The following CELF2 variants were observed in gnomAD, a reference collection of about 807,000 sequenced individuals.
CELF2 encodes the protein CUGBP Elav-like family member 2.
CELF2 carries 8 observed loss-of-function variants against 62.6 expected under a neutral mutation model. That is an observed-to-expected ratio of 0.13 (90% CI 0.07 to 0.23). CELF2 has a LOEUF of 0.23. Ranked by LOEUF, CELF2 falls within the 10% of genes least tolerant of loss-of-function variation. CELF2 has a pLI of 1.00. For missense variants in CELF2, 333 were observed against 671.0 expected (o/e 0.50, Z 5.56); for synonymous variants, 258 against 250.0 (o/e 1.03, Z -0.30).
intron 1 of CELF2, among the ~76,000 whole-genome samples, chr10:10,882,078 C>T (rs772935819): frequency 3.3e-5 from 5 of 152,170 alleles, no homozygotes; most frequent in African/African-American, 4.8e-5. Flanking sequence ...AAAATGCAAT[C>T]GTTACCATAT....
At chr10:11,141,864 A>G (rs2061404222) in intron 1 of CELF2, among the ~76,000 whole-genome samples, 1 of 152,234 alleles carries the variant, frequency 6.6e-6, no homozygotes, top group African/African-American at 2.4e-5. Context: ...CACATATAGT[A>G]TCTGTTTTAA....
the CELF2 span, among the ~76,000 whole-genome samples, chr10:10,547,692 A>AGAGAGAGT: frequency 0.13 from 17,841 of 137,718 alleles, 1,192 homozygotes; most frequent in Non-Finnish European, 0.16. Context: ...AGAGAGAGAG[A>AGAGAGAGT]GTGTGTGTGT....
chr10:10,601,407 G>T, the CELF2 span, among the ~76,000 whole-genome samples: 132 of 152,296 alleles, frequency 8.7e-4, no homozygotes, highest in Middle Eastern at 3.4e-3. Context: ...AGGGTTTCAG[G>T]ATTTAATCTG....
In CELF2 at chr10:10,931,489, C is replaced by T. The variant is rs1175696860; in HGVS notation, c.89+11490C>T. Reference sequence around the variant, plus strand: ...ACTCTATTTACCACCACAGTTATAGCATTTGAGACCCTCCCTCACCCAGAT... The same window carrying T: ...ACTCTATTTACCACCACAGTTATAGTATTTGAGACCCTCCCTCACCCAGAT... On this transcript the variant is annotated intron_variant, in intron 2 of 13. Transcript: ENST00000636488. This position sits in a 1 kb window ranked among gnomAD's most constrained non-coding sequence, Gnocchi z 6.1. Among the ~76,000 whole-genome samples, 1 of 152,144 alleles carries T rather than the reference C, an allele frequency of 6.6e-6. No individual in the cohort carries two copies. Among genetic ancestry groups the T allele is most frequent in the Non-Finnish European group, 1.5e-5 (1 of 68,022 alleles).
At chr10:10,477,596 C>A in the CELF2 span, among the ~76,000 whole-genome samples, 1 of 152,014 alleles carries the variant, frequency 6.6e-6, no homozygotes, top group Non-Finnish European at 1.5e-5. Context: ...TTTTCTAGGC[C>A]GAGTGCTGTT....
the CELF2 span, among the ~76,000 whole-genome samples, chr10:10,602,217 AGCGTT>A: frequency 7.9e-5 from 12 of 152,166 alleles, no homozygotes; most frequent in African/African-American, 2.9e-4. Context: ...TCATTTTAAT[AGCGTT>A]TCAGTTCTTT....
At chr10:11,045,636 G>A (rs1231855469) in intron 1 of CELF2, among the ~76,000 whole-genome samples, 5 of 152,196 alleles carry the variant, frequency 3.3e-5, no homozygotes, top group Non-Finnish European at 5.9e-5. Flanking sequence ...TTGGCAAAGG[G>A]AGGCTGGAAT....
intron 4 of CELF2, among the ~76,000 whole-genome samples, chr10:11,252,981 T>C (rs994856488): frequency 2.0e-5 from 3 of 152,166 alleles, no homozygotes; most frequent in South Asian, 2.1e-4. Context: ...CCCTCTTTCA[T>C]CCTCTATGCC....
At chr10:10,610,618 T>A in the CELF2 span, among the ~76,000 whole-genome samples, 5 of 152,294 alleles carry the variant, frequency 3.3e-5, no homozygotes, top group Admixed American at 3.3e-4. Flanking sequence ...AGTCAGAAGT[T>A]TAAAGAAAGC....
chr10:10,664,843 G>T, the CELF2 span, among the ~76,000 whole-genome samples: 25 of 152,288 alleles, frequency 1.6e-4, no homozygotes, highest in African/African-American at 6.0e-4. Flanking sequence ...AAGTTTAAAA[G>T]ATTACTGAAA....
intron 3 of CELF2, among the ~76,000 whole-genome samples, chr10:11,222,767 G>T (rs1435910368): frequency 6.6e-6 from 1 of 152,028 alleles, no homozygotes; most frequent in Non-Finnish European, 1.5e-5. Context: ...ATTTCCAAAG[G>T]CCTACAGTTT....
intron 2 of CELF2, among the ~76,000 whole-genome samples, chr10:10,987,655 A>G (rs1420940062): frequency 6.6e-6 from 1 of 152,170 alleles, no homozygotes; most frequent in Non-Finnish European, 1.5e-5. Flanking sequence ...TTAGTTTATA[A>G]TATTAACATA....
At chr10:10,685,608 A>G in the CELF2 span, among the ~76,000 whole-genome samples, 3 of 152,168 alleles carry the variant, frequency 2.0e-5, no homozygotes, top group African/African-American at 7.2e-5. Flanking sequence ...CAAAGGTTTT[A>G]TATGGTGTCT....
At chr10:11,100,728 T>A (rs1170039305) in intron 1 of CELF2, among the ~76,000 whole-genome samples, 1 of 152,146 alleles carries the variant, frequency 6.6e-6, no homozygotes, top group African/African-American at 2.4e-5. Context: ...TAATGTGAGA[T>A]GTTTTTAAAG....
the CELF2 span, among the ~76,000 whole-genome samples, chr10:10,655,409 G>A: frequency 3.2e-5 from 4 of 124,030 alleles, no homozygotes; most frequent in East Asian, 2.0e-4. Context: ...ATCCCGCATC[G>A]CCAAGTCAAT....
chr10:10,767,315 T>G, the CELF2 span, among the ~76,000 whole-genome samples: 2 of 152,002 alleles, frequency 1.3e-5, no homozygotes, highest in African/African-American at 4.8e-5. Flanking sequence ...AGACTGGGCC[T>G]CCTGTTCCTG....
In CELF2 at chr10:11,029,146, A is replaced by T. The variant is rs2059722767; in HGVS notation, c.74+10983A>T. Among the ~76,000 whole-genome samples, 2 of 152,160 alleles carry T rather than the reference A, an allele frequency of 1.3e-5. 1 individual carries two copies. Among genetic ancestry groups the T allele is most frequent in the South Asian group, 4.1e-4 (2 of 4,822 alleles). ...GATGGAGAGAGTCCTTGGGGAAATG[A>T]CCTAGACAAGGAATTGGTGATTTTT... On this transcript the variant is annotated intron_variant, in intron 1 of 12. Transcript: ENST00000633077.
At chr10:10,933,818 C>T (rs1218792131) in intron 2 of CELF2, among the ~76,000 whole-genome samples, 1 of 152,106 alleles carries the variant, frequency 6.6e-6, no homozygotes, top group Non-Finnish European at 1.5e-5. Flanking sequence ...TGTATATATA[C>T]CACATTTTCT....
chr10:11,108,686 A>G (rs1047069838), intron 1 of CELF2, among the ~76,000 whole-genome samples: 4 of 152,182 alleles, frequency 2.6e-5, no homozygotes, highest in Non-Finnish European at 5.9e-5. Context: ...GGATCTGTGA[A>G]TGAAGTTTCC....
Sources: gnomAD v4.1 joint callset for allele counts (sites outside exome capture counted in the v4.1 genomes callset) on GRCh38, gnomAD v4.1.1 for gene constraint, Gnocchi (gnomAD v3.1) non-coding constraint, MANE v1.5 for transcripts, NCBI Gene and HGNC (gene_info 2026-07-23, HGNC 2026-07-21) for gene names.